GOLGB1: variants seen among roughly 807,000 people sequenced by gnomAD.
GOLGB1 encodes golgin B1, also known as golgin subfamily B member 1.
Under a neutral mutation model 336.9 loss-of-function variants are expected in GOLGB1, and 174 were observed. The observed-to-expected ratio is 0.52, with a 90% CI of 0.46 to 0.59. The LOEUF (loss-of-function observed/expected upper bound fraction) is 0.59, where lower values mean the gene tolerates loss of function less well. Ranked by LOEUF, GOLGB1 falls within the 20% of genes least tolerant of loss-of-function variation. GOLGB1 has a pLI of 0.00. For synonymous variants in GOLGB1, 1,208 were observed against 1,289.2 expected, an observed-to-expected ratio of 0.94 and a Z score of 1.35; for missense variants, 3,331 against 3,645.3, an observed-to-expected ratio of 0.91 and a Z score of 2.22.
chr3:121,677,122 C>CTTATGGGCACTTA, intron 16 of GOLGB1, 92 bp from the exon 17 acceptor site: 1 of 1,501,216 alleles, frequency 6.7e-7, no homozygotes, highest in Non-Finnish European at 9.2e-7. Flanking sequence ...CCATAGAAGT[C>CTTATGGGCACTTA]ATAAGGTGGC....
rs1289971788 is a variant in GOLGB1 at position 121,664,994 on chromosome 3, T to C, written c.9592A>G (p.Ile3198Val). ...TCCTGAGTGCCACAGGAGCCAATGATAGGAGTCCGGGAAGAGTCCCATTCA... is the reference window on the plus strand; with the variant it reads ...TCCTGAGTGCCACAGGAGCCAATGACAGGAGTCCGGGAAGAGTCCCATTCA... ...HSEWDSSRTP[I>V]IGSCGTQEQA... Residue 3198 changes from isoleucine (I) to valine (V), a missense_variant, in exon 21 of 22, where the codon ATC (isoleucine) becomes GTC (valine). Physicochemically the swap from Ile to Val is conservative, Grantham distance 29. Coordinates refer to ENST00000614479, the MANE Select transcript of GOLGB1 (RefSeq NM_001366282.2). 3.1e-6 allele frequency: 5 copies of C among 1,611,540 alleles called. No individual in the cohort carries two copies. The African/African-American group carries it at 4.0e-5, about 13-fold the overall frequency.
chr3:121,672,622 CCTTTTA>C (rs1939701584), intron 17 of GOLGB1, among the ~76,000 whole-genome samples: 1 of 152,156 alleles, frequency 6.6e-6, no homozygotes, highest in Non-Finnish European at 1.5e-5. Context: ...TGAACAGAAG[CCTTTTA>C]CTTGCTGTAA....
At chr3:121,745,520 A>G (rs984137120) in intron 1 of GOLGB1, among the ~76,000 whole-genome samples, 1 of 149,994 alleles carries the variant, frequency 6.7e-6, no homozygotes, top group Non-Finnish European at 1.5e-5. Context: ...GTATATATAC[A>G]TATGTATACG....
At chr3:121,673,912 G>C (rs558989540) in intron 17 of GOLGB1, among the ~76,000 whole-genome samples, 40 of 152,174 alleles carry the variant, frequency 2.6e-4, no homozygotes, top group African/African-American at 9.2e-4. Context: ...GTAGAGAAGG[G>C]ATTTCGCCAT....
At chr3:121,735,143 T>G (rs1946392894) in intron 1 of GOLGB1, among the ~76,000 whole-genome samples, 1 of 152,216 alleles carries the variant, frequency 6.6e-6, no homozygotes, top group South Asian at 2.1e-4. Context: ...GAGATGTGGC[T>G]GAATATAAAA....
chr3:121,745,830 A>G (rs565425544), intron 1 of GOLGB1, among the ~76,000 whole-genome samples: 3 of 152,336 alleles, frequency 2.0e-5, no homozygotes, highest in African/African-American at 7.2e-5. Context: ...CAGGACCTTA[A>G]CACTTATGTG....
chr3:121,681,551 T>C (rs954081334), intron 15 of GOLGB1, 136 bp downstream of exon 15: 4 of 645,408 alleles, frequency 6.2e-6, no homozygotes, highest in Admixed American at 2.9e-5. Flanking sequence ...GCTACAGTTA[T>C]GTAAGATGTC....
intron 12 of GOLGB1, among the ~76,000 whole-genome samples, chr3:121,699,478 T>C (rs930678110): frequency 1.3e-5 from 2 of 152,182 alleles, no homozygotes; most frequent in African/African-American, 4.8e-5. Flanking sequence ...TTAGTAAAAC[T>C]ATGCCAGTCT....
In GOLGB1 at chr3:121,664,396, G is replaced by T; in HGVS notation, c.*84C>A. On this transcript the variant is annotated 3_prime_UTR_variant, in exon 22 of 22. Coordinates refer to ENST00000614479, the MANE Select transcript of GOLGB1 (RefSeq NM_001366282.2). ...GAGAAGACCTGTAAATGGGAAGACT[G>T]TTCCACTGGAATTGATGTTCTGATG... is the stretch of plus-strand genomic sequence containing the variant. 3 of 1,202,676 alleles carry T rather than the reference G, an allele frequency of 2.5e-6. No homozygotes were observed. The highest frequency in any genetic ancestry group is 3.7e-6 in the Non-Finnish European group (3 of 810,534). 74.5% of individuals were successfully genotyped at this position (1,202,676 alleles called of 1,614,324 possible). A position where few individuals can be genotyped will look rare whatever the true frequency, so the allele number is the denominator to read the frequency against.
At position 121,691,093 on chromosome 3, in the gene GOLGB1, C is replaced by T; in HGVS notation, c.8271G>A (p.Glu2757=). 1 of 1,614,064 alleles carries T rather than the reference C, an allele frequency of 6.2e-7. No individual in the cohort carries two copies. Among genetic ancestry groups the T allele is most frequent in the Non-Finnish European group, 8.5e-7 (1 of 1,180,034 alleles). ...ATTTCCTTTTCAGTTCATCAAGTTC[C>T]TCATTGGCATGATCTCTACTATTTT... ...SLQNSRDHAN[E]ELDELKRKYD... The change falls in exon 14 of 22, where the codon GAG becomes GAA. Residue 2757 remains glutamate, a synonymous_variant. Transcript: ENST00000614479.
chr3:121,675,522 G>A (rs779331905), intron 17 of GOLGB1, among the ~76,000 whole-genome samples: 5 of 152,082 alleles, frequency 3.3e-5, no homozygotes, highest in Non-Finnish European at 5.9e-5. Context: ...TATATGCAAC[G>A]ACATGGATGA....
intron 1 of GOLGB1, among the ~76,000 whole-genome samples, chr3:121,733,840 T>C (rs1946290920): frequency 1.3e-5 from 2 of 152,304 alleles, no homozygotes; most frequent in Admixed American, 1.3e-4. Context: ...GTGGAACAAT[T>C]GGACATCTGA....
chr3:121,714,824 A>G, intron 10 of GOLGB1, 37 bp downstream of exon 10: 1 of 1,228,742 alleles, frequency 8.1e-7, no homozygotes, highest in South Asian at 1.2e-5. Flanking sequence ...AGCAAAGACA[A>G]ACAGTTAATA....
Position 121,698,597 on chromosome 3 carries a change from T to C in GOLGB1, c.1926A>G (p.Lys642=), listed in dbSNP as rs779923372. ...TTTGATGTTCAGTGCTCGCCTGTTC[T>C]TTTTCAACTGCTGGAAGACTGCTCT... ...NEESSLPAVE[K]EQASTEHQSR... The change falls in exon 13 of 22, where the codon AAA becomes AAG. Residue 642 remains lysine (K), a synonymous_variant. Transcript: ENST00000614479. The C allele has an allele frequency of 1.2e-6, 2 of 1,613,840 alleles. No individual in the cohort carries two copies. Among genetic ancestry groups the C allele is most frequent in the African/African-American group, 2.7e-5 (2 of 75,034 alleles).
At chr3:121,686,521 T>C (rs137857515) in intron 14 of GOLGB1, among the ~76,000 whole-genome samples, 2 of 152,202 alleles carry the variant, frequency 1.3e-5, no homozygotes, top group Non-Finnish European at 2.9e-5. Context: ...AGAGTATAGA[T>C]AAATACAGGC....
At chr3:121,677,215 A>AAC in intron 16 of GOLGB1, 70 bp downstream of exon 16, 28 of 1,348,940 alleles carry the variant, frequency 2.1e-5, no homozygotes, top group Non-Finnish European at 2.4e-5. Flanking sequence ...AAAAAAAACA[A>AAC]AACCCTGCAA....
In GOLGB1 at chr3:121,695,156, A is replaced by T; in HGVS notation, c.5367T>A (p.Asn1789Lys). Residue 1789 changes from asparagine to lysine, a missense_variant, in exon 13 of 22, where the codon AAT (asparagine) becomes AAA (lysine). Asn to Lys is a moderately conservative substitution (Grantham distance 94). Transcript: ENST00000614479. ...EATEKHDNQT[N>K]VTEEGTQSIP... ...TAGACTGTGTTCCCTCTTCAGTGAC[A>T]TTCGTTTGGTTATCATGTTTCTCGG... 1 of 1,611,482 alleles carries T rather than the reference A, an allele frequency of 6.2e-7. No homozygotes were observed. Among genetic ancestry groups the T allele is most frequent in the Non-Finnish European group, 8.5e-7 (1 of 1,179,412 alleles).
At chr3:121,699,565 AT>A (rs759106326) in intron 12 of GOLGB1, among the ~76,000 whole-genome samples, 3 of 152,208 alleles carry the variant, frequency 2.0e-5, no homozygotes, top group Non-Finnish European at 4.4e-5. Context: ...GTATAAAAAA[AT>A]GTGTTATCAA....
chr3:121,735,915 T>G (rs1485513972), intron 1 of GOLGB1, among the ~76,000 whole-genome samples: 1 of 151,808 alleles, frequency 6.6e-6, no homozygotes, highest in Non-Finnish European at 1.5e-5. Context: ...GCTGCCTATC[T>G]AGGGTTGGGG....
Sources: gnomAD v4.1 joint callset for allele counts (sites outside exome capture counted in the v4.1 genomes callset) on GRCh38, gnomAD v4.1.1 for gene constraint, MANE v1.5 for transcripts, NCBI Gene and HGNC (gene_info 2026-07-23, HGNC 2026-07-21) for gene names.